Variants in TTC39A observed in about 807,000 individuals in gnomAD.
TTC39A encodes tetratricopeptide repeat protein 39A.
A neutral mutation model predicts 82.3 loss-of-function variants in TTC39A; 46 were observed. The observed-to-expected ratio is 0.56, with a 90% CI of 0.44 to 0.71. The LOEUF is 0.71. TTC39A is among the 30% of genes least tolerant of loss of function. The pLI is 0.00. For missense variants in TTC39A, 543 were observed against 712.9 expected, an observed-to-expected ratio of 0.76 and a Z score of 2.71; for synonymous variants, 254 against 275.2, an observed-to-expected ratio of 0.92 and a Z score of 0.76.
At chr1:51,324,360 T>C (rs1254553474) in intron 1 of TTC39A, among the ~76,000 whole-genome samples, 4 of 152,158 alleles carry the variant, frequency 2.6e-5, no homozygotes, top group African/African-American at 9.7e-5. Flanking sequence ...ATCTGTTGAG[T>C]GGCCGTTGAA....
At chr1:51,307,294 G>C (rs1644906688) in intron 6 of TTC39A, among the ~76,000 whole-genome samples, 1 of 152,182 alleles carries the variant, frequency 6.6e-6, no homozygotes, top group South Asian at 2.1e-4. Flanking sequence ...CAGAGCACTT[G>C]TCTGGTTTTT....
intron 8 of TTC39A, 29 bp downstream of exon 8, chr1:51,305,052 G>A (rs373232847): frequency 6.2e-7 from 1 of 1,611,878 alleles, no homozygotes; most frequent in Non-Finnish European, 8.5e-7. Flanking sequence ...GGCTGAGCAG[G>A]TCAGGGGTGC....
At chr1:51,341,236 A>T (rs763567787) in intron 1 of TTC39A, among the ~76,000 whole-genome samples, 1 of 136,114 alleles carries the variant, frequency 7.3e-6, no homozygotes, top group Non-Finnish European at 1.5e-5. Flanking sequence ...ATGTGGCCCC[A>T]GAGTACTTCT....
chr1:51,296,879 G>T, intron 12 of TTC39A: 1 of 154,566 alleles, frequency 6.5e-6, no homozygotes, highest in Non-Finnish European at 1.4e-5. Flanking sequence ...AGCCCTGACA[G>T]GGAAACCGTG....
chr1:51,330,252 T>A lies in TTC39A; in HGVS notation c.41+185A>T. The stretch of plus-strand genomic sequence containing the variant: ...CCGGGGTCCCCGCGCCTCCGCCTCC[T>A]CACAGCCCCCTGCCCCCACTCCTGG... On this transcript the variant is annotated intron_variant, in intron 1 of 17. Transcript: ENST00000680483. The surrounding 1 kb of genome is among the most constrained non-coding windows in gnomAD (Gnocchi z 4.5). The A allele has an allele frequency of 1.0e-6, 1 of 973,580 alleles. No homozygotes were observed. The highest frequency in any genetic ancestry group is 1.2e-6 in the Non-Finnish European group (1 of 819,458). 60.3% of individuals were successfully genotyped at this position (973,580 alleles called of 1,614,324 possible).
At chr1:51,317,814 G>C (rs1247206232) in intron 2 of TTC39A, among the ~76,000 whole-genome samples, 1 of 152,178 alleles carries the variant, frequency 6.6e-6, no homozygotes, top group East Asian at 1.9e-4. Context: ...TAAGGCAGGG[G>C]CTAAGAAACA....
At chr1:51,327,785 C>T (rs1299888785) in intron 1 of TTC39A, among the ~76,000 whole-genome samples, 1 of 151,776 alleles carries the variant, frequency 6.6e-6, no homozygotes, top group Non-Finnish European at 1.5e-5. Flanking sequence ...CAACCTCCGC[C>T]TCCCGGGTTC....
intron 14 of TTC39A, among the ~76,000 whole-genome samples, chr1:51,293,650 C>T (rs1644305063): frequency 6.6e-6 from 1 of 152,186 alleles, no homozygotes; most frequent in Non-Finnish European, 1.5e-5. Context: ...ACTTTTCTGG[C>T]TCCCTTACTA....
chr1:51,301,824 G>T, intron 11 of TTC39A, 91 bp from the exon 12 acceptor site: 1 of 1,523,030 alleles, frequency 6.6e-7, no homozygotes, highest in South Asian at 1.3e-5. Flanking sequence ...AGCAGACCGG[G>T]ACTCCTCCAG....
intron 13 of TTC39A, 60 bp downstream of exon 13, chr1:51,296,019 T>C (rs1384233653): frequency 2.0e-6 from 3 of 1,535,782 alleles, no homozygotes; most frequent in Admixed American, 3.9e-5. Flanking sequence ...GGCTGGTCTG[T>C]CCATAGCGGC....
At chr1:51,302,172 C>T (rs1229333964) in intron 11 of TTC39A, 185 bp downstream of exon 11, 1 of 794,788 alleles carries the variant, frequency 1.3e-6, no homozygotes, top group Non-Finnish European at 2.2e-6. Context: ...CTCCTCCTCC[C>T]TTGTCTTCCC....
upstream of TTC39A, among the ~76,000 whole-genome samples, chr1:51,335,981 C>A (rs1478921094): frequency 2.6e-5 from 4 of 151,942 alleles, no homozygotes; most frequent in Non-Finnish European, 4.4e-5. Flanking sequence ...CTTCTCAGCA[C>A]CCCTCCCAGC....
chr1:51,320,723 G>T (rs1162117573), intron 2 of TTC39A, among the ~76,000 whole-genome samples: 3 of 151,652 alleles, frequency 2.0e-5, no homozygotes, highest in Non-Finnish European at 4.4e-5. Flanking sequence ...AAAGTGCTGG[G>T]ATTATAGTCA....
At position 51,290,640 on chromosome 1, in the gene TTC39A, G is replaced by T. The variant is rs774481350; in HGVS notation, c.1267-15C>A. Reference sequence around the variant, plus strand: ...TACATCATTTCCTGAAGGCAGGGGGGCAAGTCAGTCCTAGGTTTCTTCCCT... The same window carrying T: ...TACATCATTTCCTGAAGGCAGGGGGTCAAGTCAGTCCTAGGTTTCTTCCCT... On this transcript the variant is annotated splice_polypyrimidine_tract_variant and intron_variant, in intron 14 of 17. Coordinates refer to ENST00000680483, the MANE Select transcript of TTC39A (RefSeq NM_001297663.2). 66 of 1,605,100 alleles carry T rather than the reference G, an allele frequency of 4.1e-5. No individual in the cohort carries two copies. Among genetic ancestry groups the T allele is most frequent in the Non-Finnish European group, 5.4e-5 (64 of 1,175,202 alleles).
intron 1 of TTC39A, among the ~76,000 whole-genome samples, chr1:51,328,352 G>GATAA (rs60809522): frequency 0.22 from 33,254 of 151,906 alleles, 5,008 homozygotes; most frequent in African/African-American, 0.44. Context: ...CATCAAGAAG[G>GATAA]ATAAACAAAT....
At chr1:51,312,284 TAA>T in intron 3 of TTC39A, 89 bp from the exon 4 acceptor site, 3 of 1,261,376 alleles carry the variant, frequency 2.4e-6, no homozygotes, top group Non-Finnish European at 3.3e-6. Flanking sequence ...AGAACATTCC[TAA>T]AGAGACAGAG....
At chr1:51,301,822 G>A (rs963181306) in intron 11 of TTC39A, 89 bp from the exon 12 acceptor site, 134 of 1,480,776 alleles carry the variant, frequency 9.0e-5, no homozygotes, top group Non-Finnish European at 1.1e-4. Flanking sequence ...ACAGCAGACC[G>A]GGACTCCTCC....
chr1:51,312,672 G>A, intron 3 of TTC39A, 140 bp downstream of exon 3: 1 of 1,285,570 alleles, frequency 7.8e-7, no homozygotes, highest in Non-Finnish European at 1.1e-6. Flanking sequence ...GGCCAACAGG[G>A]ACAGCTCTTA....
At chr1:51,290,666 A>G in intron 14 of TTC39A, 41 bp from the exon 15 acceptor site, 2 of 1,546,214 alleles carry the variant, frequency 1.3e-6, no homozygotes, top group South Asian at 2.3e-5. Context: ...TTTCTTCCCT[A>G]ATGGGGCCTC....
Sources: gnomAD v4.1 joint callset for allele counts (sites outside exome capture counted in the v4.1 genomes callset) on GRCh38, gnomAD v4.1.1 for gene constraint, Gnocchi (gnomAD v3.1) non-coding constraint, MANE v1.5 for transcripts, NCBI Gene and HGNC (gene_info 2026-07-23, HGNC 2026-07-21) for gene names.